IFFO2: variants seen among roughly 807,000 people sequenced by gnomAD.
IFFO2 encodes intermediate filament family orphan 2.
A neutral mutation model predicts 53.5 loss-of-function variants in IFFO2; 19 were observed. The observed-to-expected ratio is 0.36, with a 90% CI of 0.25 to 0.52. The LOEUF is 0.52. Among genes scored for constraint, IFFO2 ranks in the 20% least tolerant of loss-of-function variants. IFFO2 has a pLI of 0.94. For synonymous variants in IFFO2, 303 were observed against 313.6 expected (o/e 0.97, Z 0.36); for missense variants, 570 against 727.4 (o/e 0.78, Z 2.49).
In IFFO2 at chr1:18,910,322, C is replaced by G; in HGVS notation, c.1448+20G>C. The G allele has an allele frequency of 6.3e-7, 1 of 1,589,930 alleles. No individual in the cohort carries two copies. The highest frequency in any genetic ancestry group is 8.6e-7 in the Non-Finnish European group (1 of 1,168,460). On this transcript the variant is annotated intron_variant, in intron 8 of 8. Coordinates refer to ENST00000455833, the MANE Select transcript of IFFO2 (RefSeq NM_001136265.2). ...TCCAAGGATGCCATAGCTGAATCCC[C>G]TGGGAGGATGGGCGGGTACCTGTCT...
In IFFO2 at chr1:18,936,662, T is replaced by C. The variant is rs780674429; in HGVS notation, c.666-15541A>G. Among the ~76,000 whole-genome samples, 67 of 152,316 alleles carry C rather than the reference T, an allele frequency of 4.4e-4. No homozygotes were observed. The highest frequency in any genetic ancestry group is 8.4e-4 in the Non-Finnish European group (57 of 68,018). Reference sequence around the variant, plus strand: ...GTGACTGTGCTGCCCTGGAGGTAAATGTAGGGCACCTCAGGGTAATCTCCC... The same window carrying C: ...GTGACTGTGCTGCCCTGGAGGTAAACGTAGGGCACCTCAGGGTAATCTCCC... On this transcript the variant is annotated intron_variant, in intron 1 of 8. Transcript: ENST00000455833. This position sits in a 1 kb window ranked among gnomAD's most constrained non-coding sequence, Gnocchi z 4.5.
chr1:18,933,191 C>A (rs1936401593), intron 1 of IFFO2, among the ~76,000 whole-genome samples: 1 of 152,250 alleles, frequency 6.6e-6, no homozygotes, highest in African/African-American at 2.4e-5. Flanking sequence ...GCCTCAGATC[C>A]TCAATCCCTT....
chr1:18,952,698 C>G (rs902536277), intron 1 of IFFO2, among the ~76,000 whole-genome samples: 7 of 152,042 alleles, frequency 4.6e-5, no homozygotes, highest in African/African-American at 1.7e-4. Flanking sequence ...CTGGGCTGGG[C>G]TTGGAATTGG....
chr1:18,956,138 G>A lies in IFFO2; in HGVS notation c.195C>T (p.Arg65=). ...GCTCGTGCACCTTAGCCAGGAAGCA[G>A]CGGAAGCGCACGTTGAGCCCCTTCA... The part of the protein sequence containing the change: ...HLLKGLNVRF[R]CFLAKVHELE... The change falls in exon 1 of 9, where the codon CGC becomes CGT. Residue 65 remains arginine (R), a synonymous_variant. Transcript: ENST00000455833. The surrounding 1 kb of genome is among the most constrained non-coding windows in gnomAD (Gnocchi z 6.4). 1 of 1,505,434 alleles carries A rather than the reference G, an allele frequency of 6.6e-7. No homozygotes were observed. Among genetic ancestry groups the A allele is most frequent in the Non-Finnish European group, 8.9e-7 (1 of 1,119,712 alleles). The allele number at this position is 1,505,434 out of a possible 1,614,324, so 93.3% of individuals were successfully genotyped here.
chr1:18,941,609 T>G (rs1485914814), intron 1 of IFFO2, among the ~76,000 whole-genome samples: 3 of 152,206 alleles, frequency 2.0e-5, no homozygotes, highest in Non-Finnish European at 2.9e-5. Context: ...TGCTGCTGGG[T>G]GCAGGGCAGG....
intron 1 of IFFO2, among the ~76,000 whole-genome samples, chr1:18,954,745 C>CA (rs1197568589): frequency 6.6e-6 from 1 of 152,216 alleles, no homozygotes; most frequent in East Asian, 1.9e-4. Flanking sequence ...GAAGCAATGA[C>CA]AGTTTCCCAG....
Position 18,919,683 on chromosome 1 carries a change from T to C in IFFO2, c.817A>G (p.Ser273Gly). ...GGGCGGCGGGCGGCACTTACGTCACTCATAAGCCCCTTAAACACCACCAGC... is the reference window on the plus strand; with the variant it reads ...GGGCGGCGGGCGGCACTTACGTCACCCATAAGCCCCTTAAACACCACCAGC... ...AELVVFKGLM[S>G]DPMTDLDTKI... Residue 273 changes from serine (S) to glycine (G), a missense_variant, in exon 3 of 9, where the codon AGT (serine) becomes GGT (glycine). Physicochemically the swap from Ser to Gly is moderately conservative, Grantham distance 56. Transcript: ENST00000455833. The surrounding 1 kb of genome is among the most constrained non-coding windows in gnomAD (Gnocchi z 4.9). 6.4e-7 allele frequency: 1 copy of C among 1,550,896 alleles called. No homozygotes were observed. The highest frequency in any genetic ancestry group is 2.0e-5 in the Admixed American group (1 of 50,996).
In IFFO2 at chr1:18,947,279, C is replaced by T. The variant is rs916655020; in HGVS notation, c.665+8389G>A. On this transcript the variant is annotated intron_variant, in intron 1 of 8. Transcript: ENST00000455833. This position sits in a 1 kb window ranked among gnomAD's most constrained non-coding sequence, Gnocchi z 5.0. ...GAGCTCCCAAACAGCCACCAGAATGCCCGAGGCCCTCTGCTGCTGGTGATC... is the reference window on the plus strand; with the variant it reads ...GAGCTCCCAAACAGCCACCAGAATGTCCGAGGCCCTCTGCTGCTGGTGATC... Among the ~76,000 whole-genome samples, 4 of 152,244 alleles carry T rather than the reference C, an allele frequency of 2.6e-5. No individual in the cohort carries two copies. Among genetic ancestry groups the T allele is most frequent in the African/African-American group, 9.6e-5 (4 of 41,456 alleles).
chr1:18,913,929 T>A (rs6672612), intron 5 of IFFO2, among the ~76,000 whole-genome samples: 16 of 150,702 alleles, frequency 1.1e-4, no homozygotes, highest in African/African-American at 2.7e-4. Flanking sequence ...CCCCTGGGGT[T>A]CACGCCATTC....
chr1:18,956,335 G>A lies in IFFO2; in HGVS notation c.-3C>T, dbSNP rs750298595. The A allele has an allele frequency of 6.2e-6, 2 of 320,208 alleles. No homozygotes were observed. Among genetic ancestry groups the A allele is most frequent in the South Asian group, 1.4e-4 (2 of 14,104 alleles). The allele number at this position is 320,208 out of a possible 1,614,324, so 19.8% of individuals were successfully genotyped here. On this transcript the variant is annotated 5_prime_UTR_variant, in exon 1 of 9. Transcript: ENST00000455833. This position sits in a 1 kb window ranked among gnomAD's most constrained non-coding sequence, Gnocchi z 6.4. Reference sequence around the variant, plus strand: ...CCGAACAGCAGCGAGTTCACCATGCGCCGGCTGCGCGGCTCAGGGCCCCGG... The same window carrying A: ...CCGAACAGCAGCGAGTTCACCATGCACCGGCTGCGCGGCTCAGGGCCCCGG...
At chr1:18,915,021 C>A (rs969581528) in intron 5 of IFFO2, among the ~76,000 whole-genome samples, 1 of 152,098 alleles carries the variant, frequency 6.6e-6, no homozygotes, top group Non-Finnish European at 1.5e-5. Context: ...GAGTTCCTGT[C>A]CCCACCCAGT....
chr1:18,934,500 C>T (rs574566523), intron 1 of IFFO2, among the ~76,000 whole-genome samples: 6 of 152,224 alleles, frequency 3.9e-5, no homozygotes, highest in East Asian at 1.9e-4. Flanking sequence ...ACATCAAAAC[C>T]ACTTAAATTT....
Position 18,928,160 on chromosome 1 carries a change from C to G in IFFO2, c.666-7039G>C, listed in dbSNP as rs1449859011. The stretch of plus-strand genomic sequence containing the variant: ...GACAGCCAATAAGCTCTAGCCCCTG[C>G]GCATGAAAGAGGCCCCCTCCTGCCT... On this transcript the variant is annotated intron_variant, in intron 1 of 8. Coordinates refer to ENST00000455833, the MANE Select transcript of IFFO2 (RefSeq NM_001136265.2). This position sits in a 1 kb window ranked among gnomAD's most constrained non-coding sequence, Gnocchi z 4.9. Among the ~76,000 whole-genome samples the G allele has an allele frequency of 6.6e-6, 1 of 152,138 alleles. No individual in the cohort carries two copies. The highest frequency in any genetic ancestry group is 1.9e-4 in the East Asian group (1 of 5,174).
At chr1:18,940,983 C>T (rs1056043353) in intron 1 of IFFO2, among the ~76,000 whole-genome samples, 3 of 152,196 alleles carry the variant, frequency 2.0e-5, no homozygotes, top group South Asian at 4.1e-4. Context: ...CAACACGAGA[C>T]TCTAGTGGTG....
chr1:18,935,377 G>C (rs1384671529), intron 1 of IFFO2, among the ~76,000 whole-genome samples: 1 of 152,162 alleles, frequency 6.6e-6, no homozygotes, highest in Admixed American at 6.5e-5. Flanking sequence ...TGCTAGGGTA[G>C]AGTAAGGCTG....
intron 8 of IFFO2, among the ~76,000 whole-genome samples, chr1:18,909,573 T>C (rs1936003002): frequency 6.6e-6 from 1 of 152,136 alleles, no homozygotes; most frequent in South Asian, 2.1e-4. Flanking sequence ...GTTCTTGTGA[T>C]AGGGAGTTAG....
intron 1 of IFFO2, among the ~76,000 whole-genome samples, chr1:18,925,865 A>T (rs1258479125): frequency 2.1e-4 from 4 of 18,736 alleles, no homozygotes; most frequent in Admixed American, 6.7e-4. Context: ...GGTTGGATGG[A>T]TGGATGGATG....
At chr1:18,954,955 A>G (rs1315312898) in intron 1 of IFFO2, among the ~76,000 whole-genome samples, 1 of 152,178 alleles carries the variant, frequency 6.6e-6, no homozygotes, top group East Asian at 1.9e-4. Flanking sequence ...AGAGGGATGA[A>G]AGGAGGCATT....
chr1:18,904,882 G>C lies in IFFO2; in HGVS notation c.*3679C>G, dbSNP rs1408497831. On this transcript the variant is annotated 3_prime_UTR_variant, in exon 9 of 9. Transcript: ENST00000455833. ...CCTGGAGTAGACACAGCCGGGGCTG[G>C]GCTATGAGCATCTTAAGCCATTTCC... 1 of 152,076 alleles carries C rather than the reference G, an allele frequency of 6.6e-6. No individual in the cohort carries two copies. The highest frequency in any genetic ancestry group is 1.5e-5 in the Non-Finnish European group (1 of 68,058). 9.4% of individuals were successfully genotyped at this position (152,076 alleles called of 1,614,324 possible). A position where few individuals can be genotyped will look rare whatever the true frequency, so the allele number is the denominator to read the frequency against.
Sources: gnomAD v4.1 joint callset for allele counts (sites outside exome capture counted in the v4.1 genomes callset) on GRCh38, gnomAD v4.1.1 for gene constraint, Gnocchi (gnomAD v3.1) non-coding constraint, MANE v1.5 for transcripts, NCBI Gene and HGNC (gene_info 2026-07-23, HGNC 2026-07-21) for gene names.